Variants in C1orf105 observed in about 807,000 individuals in gnomAD.
The protein encoded by C1orf105 is uncharacterized protein C1orf105.
In C1orf105, 17 loss-of-function variants were observed where a neutral mutation model predicts 20.8. The observed-to-expected ratio is 0.82, with a 90% CI of 0.56 to 1.23. The LOEUF (loss-of-function observed/expected upper bound fraction) is 1.23. Among genes scored for constraint, C1orf105 ranks in the 50% most tolerant of loss-of-function variants. C1orf105 has a pLI of 0.00. For synonymous variants in C1orf105, 72 were observed against 72.1 expected (o/e 1.00, Z 0.01); for missense variants, 219 against 213.5 (o/e 1.03, Z -0.16).
chr1:172,433,510 A>G (rs7411767), intron 1 of C1orf105, among the ~76,000 whole-genome samples: 67,103 of 152,066 alleles, frequency 0.44, 17,600 homozygotes, highest in East Asian at 0.63. Flanking sequence ...ACTAAGCTTC[A>G]TAAGTGAAGG....
chr1:172,433,894 A>C (rs1040888967), intron 1 of C1orf105, among the ~76,000 whole-genome samples: 1 of 152,208 alleles, frequency 6.6e-6, no homozygotes, highest in Non-Finnish European at 1.5e-5. Flanking sequence ...GCTCAAAATA[A>C]AAGGATGGAG....
intron 3 of C1orf105, among the ~76,000 whole-genome samples, chr1:172,449,241 T>A (rs929206591): frequency 6.6e-6 from 1 of 152,032 alleles, no homozygotes; most frequent in Non-Finnish European, 1.5e-5. Flanking sequence ...GGCCTTTGTA[T>A]TTGCTTTAAT....
intron 1 of C1orf105, chr1:172,441,593 A>AT (rs774011189): frequency 9.3e-5 from 71 of 765,110 alleles, no homozygotes; most frequent in Non-Finnish European, 1.1e-4. Context: ...CCTTTGGTTC[A>AT]TTTTTTTTGG....
chr1:172,433,009 A>C (rs1036320593), intron 1 of C1orf105, among the ~76,000 whole-genome samples: 2 of 152,246 alleles, frequency 1.3e-5, no homozygotes, highest in Admixed American at 1.3e-4. Context: ...AGTGGAAGAA[A>C]AGGTATCAGT....
chr1:172,432,204 A>AACGT (rs2149161728), intron 1 of C1orf105, among the ~76,000 whole-genome samples: 1 of 152,374 alleles, frequency 6.6e-6, no homozygotes, highest in African/African-American at 2.4e-5. Flanking sequence ...TGCAAACTTA[A>AACGT]ACGTCCCTGT....
At chr1:172,436,484 A>G (rs977902930) in intron 1 of C1orf105, among the ~76,000 whole-genome samples, 1 of 152,218 alleles carries the variant, frequency 6.6e-6, no homozygotes, top group African/African-American at 2.4e-5. Flanking sequence ...CAAAACAAGC[A>G]ATGGGGAAAG....
intron 1 of C1orf105, among the ~76,000 whole-genome samples, chr1:172,432,459 T>A (rs1015660638): frequency 1.2e-4 from 18 of 152,172 alleles, no homozygotes; most frequent in African/African-American, 4.1e-4. Context: ...CCGCTGGTGA[T>A]AACCAGGCAA....
intron 1 of C1orf105, chr1:172,442,245 G>A: frequency 6.2e-7 from 1 of 1,613,884 alleles, no homozygotes; most frequent in Non-Finnish European, 8.5e-7. Flanking sequence ...TGAAAGTAAT[G>A]AAGACTAGGG....
At chr1:172,450,421 A>G (rs1309692378) in intron 3 of C1orf105, among the ~76,000 whole-genome samples, 1 of 152,258 alleles carries the variant, frequency 6.6e-6, no homozygotes. Context: ...CCCAGAGTCT[A>G]CTGCGTGTAT....
intron 4 of C1orf105, among the ~76,000 whole-genome samples, chr1:172,460,001 T>A (rs1649574083): frequency 7.2e-6 from 1 of 137,964 alleles, no homozygotes; most frequent in Non-Finnish European, 1.6e-5. Flanking sequence ...AATAGGAAAA[T>A]TCAGAGACAG....
intron 4 of C1orf105, among the ~76,000 whole-genome samples, chr1:172,456,967 C>T (rs1200102773): frequency 4.6e-5 from 7 of 152,140 alleles, no homozygotes; most frequent in East Asian, 1.9e-4. Flanking sequence ...TAGTCAGGGG[C>T]GGTGTCACCT....
In C1orf105 at chr1:172,468,459, C is replaced by T. The variant is rs375840548; in HGVS notation, c.417C>T (p.His139=). The T allele has an allele frequency of 6.2e-7, 1 of 1,613,024 alleles. No homozygotes were observed. The highest frequency in any genetic ancestry group is 1.1e-5 in the South Asian group (1 of 90,944). ...FHDDIPTESI[H]YRLPILGPRT... ...TGTACTGTCATCCAGAAAGCATTCA[C>T]TACAGACTGCCCATTCTGGGCCCCA... Residue 139 remains histidine (H), a synonymous_variant, in exon 7 of 7, where the codon CAC becomes CAT. Coordinates refer to ENST00000367727, the MANE Select transcript of C1orf105 (RefSeq NM_139240.4).
At chr1:172,452,849 C>G in intron 3 of C1orf105, 2 of 1,423,522 alleles carry the variant, frequency 1.4e-6, no homozygotes, top group Non-Finnish European at 1.8e-6. Context: ...TCCAGTGCCT[C>G]TGGCTCTAGA....
chr1:172,455,102 A>G lies in C1orf105; in HGVS notation c.199-1313A>G, dbSNP rs113551351. Among the ~76,000 whole-genome samples, 38 of 152,310 alleles carry G rather than the reference A, an allele frequency of 2.5e-4. 1 individual carries two copies. The highest frequency in any genetic ancestry group is 8.2e-4 in the African/African-American group (34 of 41,556). The stretch of plus-strand genomic sequence containing the variant: ...ACATACTTTGACATACCAACCCACA[A>G]CATTGTAATACTGAGTTGATTCTTT... On this transcript the variant is annotated intron_variant, in intron 3 of 6. Transcript: ENST00000367727.
intron 4 of C1orf105, among the ~76,000 whole-genome samples, chr1:172,458,971 G>C (rs755282311): frequency 6.6e-6 from 1 of 152,012 alleles, no homozygotes; most frequent in Non-Finnish European, 1.5e-5. Context: ...TAAGTGGTAC[G>C]GGGGCAGCTG....
chr1:172,446,670 C>T (rs768558637), intron 2 of C1orf105, among the ~76,000 whole-genome samples: 2 of 152,252 alleles, frequency 1.3e-5, no homozygotes, highest in Non-Finnish European at 2.9e-5. Flanking sequence ...TTGCCCCCAG[C>T]TCCCTTGGTC....
intron 1 of C1orf105, among the ~76,000 whole-genome samples, chr1:172,432,257 T>C (rs1165204361): frequency 6.6e-6 from 1 of 152,204 alleles, no homozygotes; most frequent in African/African-American, 2.4e-5. Context: ...AGCACAGCAT[T>C]TGAACTCTGA....
intron 2 of C1orf105, among the ~76,000 whole-genome samples, chr1:172,446,578 T>C (rs368890778): frequency 2.0e-5 from 3 of 152,208 alleles, no homozygotes; most frequent in East Asian, 3.8e-4. Flanking sequence ...AATAGGGTAA[T>C]ATCCCACCAT....
chr1:172,448,775 A>G (rs990155874), intron 3 of C1orf105, among the ~76,000 whole-genome samples: 2 of 152,144 alleles, frequency 1.3e-5, no homozygotes, highest in African/African-American at 4.8e-5. Context: ...GGAAACTAAA[A>G]ATTAGTATGG....
Sources: allele counts gnomAD v4.1 joint callset (sites outside exome capture counted in the v4.1 genomes callset), GRCh38; gene constraint gnomAD v4.1.1; transcripts MANE v1.5; gene names NCBI Gene and HGNC (gene_info 2026-07-23, HGNC 2026-07-21).